The following PCDH15 variants were observed in gnomAD, a reference collection of about 807,000 sequenced individuals.
PCDH15 encodes the protein protocadherin-15.
Under a neutral mutation model 178.5 loss-of-function variants are expected in PCDH15, and 129 were observed. That is an observed-to-expected ratio of 0.72 (90% CI 0.63 to 0.84). The LOEUF (loss-of-function observed/expected upper bound fraction) is 0.84, where lower values mean the gene tolerates loss of function less well. Ranked by LOEUF, PCDH15 falls within the 40% of genes least tolerant of loss-of-function variation. The probability of loss-of-function intolerance (pLI) is 0.00; values close to 1 mark genes in which losing one functional copy is unlikely to be tolerated. For missense variants in PCDH15, 2,230 were observed against 2,099.9 expected (o/e 1.06, Z -1.21); for synonymous variants, 800 against 732.0 (o/e 1.09, Z -1.50).
chr10:55,198,908 C>T (rs1342253042), intron 1 of PCDH15, among the ~76,000 whole-genome samples: 1 of 152,076 alleles, frequency 6.6e-6, no homozygotes, highest in Non-Finnish European at 1.5e-5. Flanking sequence ...CCTGAGACTT[C>T]CCAGCCACGC....
chr10:55,313,022 C>T (rs1361054522), intron 1 of PCDH15, among the ~76,000 whole-genome samples: 1 of 152,140 alleles, frequency 6.6e-6, no homozygotes, highest in Admixed American at 6.5e-5. Flanking sequence ...TTCATTATCA[C>T]TATTTGTGAA....
intron 2 of PCDH15, chr10:55,506,112 T>C (rs1840753802): frequency 6.6e-6 from 1 of 151,424 alleles, no homozygotes; most frequent in African/African-American, 2.4e-5. Context: ...TTGATTCTAG[T>C]GCAAAGACAG....
intron 2 of PCDH15, among the ~76,000 whole-genome samples, chr10:55,150,296 G>C (rs1360908040): frequency 6.6e-6 from 1 of 152,056 alleles, no homozygotes; most frequent in African/African-American, 2.4e-5. Flanking sequence ...TTACTGAAAA[G>C]ATATACACAA....
At chr10:55,323,728 A>G, upstream of PCDH15, among the ~76,000 whole-genome samples, 1 of 152,226 alleles carries the variant, frequency 6.6e-6, no homozygotes, top group Non-Finnish European at 1.5e-5. Flanking sequence ...ACAGGCTCAT[A>G]GGCAGAAGGG....
intron 2 of PCDH15, among the ~76,000 whole-genome samples, chr10:54,965,937 C>G (rs1215839651): frequency 1.3e-5 from 2 of 150,442 alleles, no homozygotes; most frequent in Non-Finnish European, 3.0e-5. Flanking sequence ...ATATGCAGCA[C>G]ATATTATATA....
chr10:54,171,664 C>T (rs1042143838), intron 13 of PCDH15, among the ~76,000 whole-genome samples: 3 of 152,020 alleles, frequency 2.0e-5, no homozygotes, highest in African/African-American at 7.3e-5. Context: ...AATAAATAAT[C>T]TTTGCTGGCA....
intron 2 of PCDH15, among the ~76,000 whole-genome samples, chr10:54,576,473 C>T (rs2090492231): frequency 6.6e-6 from 1 of 152,128 alleles, no homozygotes; most frequent in Non-Finnish European, 1.5e-5. Flanking sequence ...ATGAATAAAG[C>T]CAAACACTGG....
At chr10:55,453,877 G>C (rs968474963) in intron 2 of PCDH15, among the ~76,000 whole-genome samples, 4 of 152,070 alleles carry the variant, frequency 2.6e-5, no homozygotes, top group African/African-American at 9.7e-5. Context: ...TTTAGCTTCT[G>C]CTATATCTGG....
intron 6 of PCDH15, among the ~76,000 whole-genome samples, chr10:54,344,904 C>CAAAAA (rs57295345): frequency 7.9e-3 from 617 of 78,536 alleles, no homozygotes; most frequent in East Asian, 0.068. Context: ...AGAAACAAAG[C>CAAAAA]AAAAAAAAAA....
intron 7 of PCDH15, among the ~76,000 whole-genome samples, chr10:54,325,290 G>C (rs1311071009): frequency 2.0e-5 from 3 of 152,046 alleles, no homozygotes; most frequent in African/African-American, 7.2e-5. Flanking sequence ...GGTCAAAGCT[G>C]GGTAATGTTC....
rs576803301 is a variant in PCDH15 at position 55,469,971 on chromosome 10, A to G, written c.-156+157654T>C. 4.3e-4 allele frequency among the ~76,000 whole-genome samples: 66 copies of G among 152,178 alleles called. 1 individual carries two copies. In the South Asian group the frequency reaches 0.012, roughly 29 times the overall value. On this transcript the variant is annotated intron_variant, in intron 2 of 5. Transcript: ENST00000613346. Reference sequence around the variant, plus strand: ...CATGGATTTGTTTTTTCCACTTTTTAAAAATATTGTAATTGCTTTTTTACC... The same window carrying G: ...CATGGATTTGTTTTTTCCACTTTTTGAAAATATTGTAATTGCTTTTTTACC...
chr10:55,045,267 C>T (rs1443428415), intron 2 of PCDH15, among the ~76,000 whole-genome samples: 1 of 152,040 alleles, frequency 6.6e-6, no homozygotes, highest in Non-Finnish European at 1.5e-5. Flanking sequence ...GTAGATGACT[C>T]AATATACGTT....
In PCDH15 at chr10:54,718,632, A is replaced by G. The variant is rs7081239; in HGVS notation, c.-28-54342T>C. ...ATGATAAAGAACCAGAGAAACAACT[A>G]TGAAAGTATGAAAAACAGAGTGCCA... is the stretch of plus-strand genomic sequence containing the variant. On this transcript the variant is annotated intron_variant, in intron 1 of 37. Coordinates refer to ENST00000644397, the MANE Select transcript of PCDH15 (RefSeq NM_001384140.1). Among the ~76,000 whole-genome samples, 3 of 150,806 alleles carry G rather than the reference A, an allele frequency of 2.0e-5. No homozygotes were observed. In the Admixed American group the frequency reaches 2.0e-4, roughly 10 times the overall value.
intron 3 of PCDH15, among the ~76,000 whole-genome samples, chr10:54,844,181 A>G (rs972467623): frequency 4.6e-5 from 7 of 152,020 alleles, no homozygotes; most frequent in African/African-American, 1.7e-4. Context: ...GGTGCTAGTG[A>G]TGATTCAGAT....
chr10:55,468,890 CTAAT>C, intron 2 of PCDH15, among the ~76,000 whole-genome samples: 1 of 152,074 alleles, frequency 6.6e-6, no homozygotes, highest in East Asian at 1.9e-4. Context: ...ACACTGTCAC[CTAAT>C]TAATTCTTGA....
chr10:53,823,345 A>G, intron 32 of PCDH15: 1 of 1,613,580 alleles, frequency 6.2e-7, no homozygotes, highest in South Asian at 1.1e-5. Context: ...TGAAAATGGT[A>G]GAGAAGGAAA....
intron 3 of PCDH15, among the ~76,000 whole-genome samples, chr10:54,445,720 T>A (rs190326513): frequency 1.3e-3 from 199 of 151,702 alleles, no homozygotes; most frequent in African/African-American, 4.4e-3. Flanking sequence ...ATTCTTAATT[T>A]TTTTCTTATA....
intron 2 of PCDH15, among the ~76,000 whole-genome samples, chr10:55,007,350 C>T (rs757660755): frequency 2.1e-4 from 31 of 151,110 alleles, no homozygotes; most frequent in Non-Finnish European, 3.7e-4. Context: ...AAAGAGAAAA[C>T]ATACTTTCAG....
intron 2 of PCDH15, among the ~76,000 whole-genome samples, chr10:55,522,422 T>C (rs1175093044): frequency 6.6e-6 from 1 of 151,854 alleles, no homozygotes; most frequent in Non-Finnish European, 1.5e-5. Context: ...GCATTCAAAT[T>C]CCATACTGTT....
Sources: allele counts gnomAD v4.1 joint callset (sites outside exome capture counted in the v4.1 genomes callset), GRCh38; gene constraint gnomAD v4.1.1; transcripts MANE v1.5; gene names NCBI Gene and HGNC (gene_info 2026-07-23, HGNC 2026-07-21).